The following CD82 variants were observed in gnomAD, a reference collection of about 807,000 sequenced individuals.
CD82 encodes CD82 molecule.
Under a neutral mutation model 37.4 loss-of-function variants are expected in CD82, and 36 were observed. The ratio of observed to expected loss-of-function variants is 0.96; its 90% confidence interval spans 0.74 to 1.27. CD82 has a LOEUF of 1.27. Ranked by LOEUF, CD82 falls within the 50% of genes most tolerant of loss-of-function variation. The pLI, the probability that CD82 is intolerant of heterozygous loss-of-function variation, is 0.00. For missense variants in CD82, 340 were observed against 347.0 expected (o/e 0.98, Z 0.16); for synonymous variants, 158 against 137.4 (o/e 1.15, Z -1.05).
chr11:44,609,394 T>A (rs1853447952), intron 6 of CD82, among the ~76,000 whole-genome samples: 1 of 152,054 alleles, frequency 6.6e-6, no homozygotes, highest in African/African-American at 2.4e-5. Context: ...TGGCAGGCCA[T>A]ACCTGTGCCA....
chr11:44,585,857 G>A (rs924753737), intron 1 of CD82, among the ~76,000 whole-genome samples: 9 of 152,204 alleles, frequency 5.9e-5, no homozygotes, highest in Admixed American at 6.5e-5. Flanking sequence ...TCTGAAAAAC[G>A]CAGTGATCTC....
chr11:44,565,286 T>A (rs1201075920), upstream of CD82, among the ~76,000 whole-genome samples: 6 of 151,196 alleles, frequency 4.0e-5, no homozygotes, highest in African/African-American at 1.5e-4. Context: ...GCGGGGGCGC[T>A]GGGAGGGCCC....
intron 3 of CD82, chr11:44,595,030 C>T: frequency 2.3e-6 from 1 of 429,336 alleles, no homozygotes; most frequent in South Asian, 2.4e-5. Context: ...ATCCCCCTAA[C>T]TCAACAGCAG....
upstream of CD82, chr11:44,564,627 G>A (rs1228464858): frequency 2.5e-6 from 1 of 403,370 alleles, no homozygotes; most frequent in African/African-American, 2.1e-5. Context: ...TTTTCTTCAG[G>A]GAGAAAGCCA....
Position 44,579,761 on chromosome 11 carries a change from T to A in CD82, c.-102-7714T>A, listed in dbSNP as rs1330292818. Among the ~76,000 whole-genome samples the A allele has an allele frequency of 2.0e-5, 3 of 152,118 alleles. No homozygotes were observed. The East Asian group carries it at 5.8e-4, about 29-fold the overall frequency. ...GCCCTCTGTGGGAAGCACAGCCCCT[T>A]TATTCCCAGCTTGGCAGGCCCAGAT... On this transcript the variant is annotated intron_variant, in intron 1 of 9. Coordinates refer to ENST00000227155, the MANE Select transcript of CD82 (RefSeq NM_002231.4).
intron 2 of CD82, among the ~76,000 whole-genome samples, chr11:44,590,795 C>T (rs967579995): frequency 3.9e-5 from 6 of 152,064 alleles, no homozygotes; most frequent in African/African-American, 1.4e-4. Flanking sequence ...CAGAGCCGGG[C>T]ATAACCCCTG....
chr11:44,566,427 G>A (rs1270887511), intron 1 of CD82: 1 of 152,270 alleles, frequency 6.6e-6, no homozygotes, highest in Non-Finnish European at 1.5e-5. Flanking sequence ...CTTGGGCCCA[G>A]GGTCAAGCCC....
chr11:44,619,033 C>A lies in CD82; in HGVS notation c.727-16C>A. The stretch of plus-strand genomic sequence containing the variant: ...GGACACCCAGCCTCCCTCTGACTCT[C>A]CGCCTCTCCCCACAGCTCCTGGGGA... On this transcript the variant is annotated splice_polypyrimidine_tract_variant and intron_variant, in intron 9 of 9. Coordinates refer to ENST00000227155, the MANE Select transcript of CD82 (RefSeq NM_002231.4). The A allele has an allele frequency of 6.2e-7, 1 of 1,612,708 alleles. No homozygotes were observed. Among genetic ancestry groups the A allele is most frequent in the South Asian group, 1.1e-5 (1 of 91,060 alleles).
intron 1 of CD82, among the ~76,000 whole-genome samples, chr11:44,574,187 G>T (rs1369270886): frequency 2.0e-5 from 3 of 152,114 alleles, no homozygotes; most frequent in Admixed American, 6.6e-5. Context: ...AGAGTTGAGG[G>T]CAAAGTTGAG....
At chr11:44,583,822 T>C (rs954270458) in intron 1 of CD82, among the ~76,000 whole-genome samples, 1 of 152,260 alleles carries the variant, frequency 6.6e-6, no homozygotes, top group South Asian at 2.1e-4. Context: ...AATGGCATAA[T>C]ATTCAGGGAT....
chr11:44,609,095 C>T (rs150377944), intron 6 of CD82, among the ~76,000 whole-genome samples: 5 of 152,182 alleles, frequency 3.3e-5, no homozygotes, highest in Non-Finnish European at 4.4e-5. Context: ...GATCTGGGCA[C>T]GGTGCTAAGA....
chr11:44,566,961 G>T (rs1852744675), intron 1 of CD82, among the ~76,000 whole-genome samples: 1 of 152,164 alleles, frequency 6.6e-6, no homozygotes, highest in African/African-American at 2.4e-5. Flanking sequence ...GTTGGTAAGT[G>T]TTGAGTTAAA....
upstream of CD82, among the ~76,000 whole-genome samples, chr11:44,565,331 T>C (rs7480475): frequency 0.033 from 5,045 of 151,696 alleles, 116 homozygotes; most frequent in Admixed American, 0.061. Context: ...AGGCGGGAGC[T>C]GGGCGGGACC....
chr11:44,585,009 G>A (rs1474729968), intron 1 of CD82: 5 of 345,690 alleles, frequency 1.4e-5, no homozygotes, highest in East Asian at 7.5e-5. Context: ...GAGCTCCCAC[G>A]GGATCGGATG....
chr11:44,618,793 C>T, intron 9 of CD82, 70 bp downstream of exon 9: 1 of 1,377,610 alleles, frequency 7.3e-7, no homozygotes, highest in South Asian at 1.2e-5. Context: ...TGCTGATCTC[C>T]TTGGGGAGGT....
At position 44,594,694 on chromosome 11, in the gene CD82, A is replaced by G; in HGVS notation, c.32A>G (p.Tyr11Cys). Reference protein sequence around the residue: MGSACIKVTKYFLFLFNLIFF... With the variant: MGSACIKVTKCFLFLFNLIFF... ...TCAGCCTGTATCAAAGTCACCAAATACTTTCTCTTCCTCTTCAACTTGATC... is the reference window on the plus strand; with the variant it reads ...TCAGCCTGTATCAAAGTCACCAAATGCTTTCTCTTCCTCTTCAACTTGATC... Residue 11 changes from tyrosine to cysteine, a missense_variant, in exon 3 of 10, where the codon TAC (tyrosine) becomes TGC (cysteine). By Grantham distance (194) the Tyr-to-Cys change is radical. Coordinates refer to ENST00000227155, the MANE Select transcript of CD82 (RefSeq NM_002231.4). 6.2e-7 allele frequency: 1 copy of G among 1,613,868 alleles called. No individual in the cohort carries two copies. The highest frequency in any genetic ancestry group is 1.3e-5 in the African/African-American group (1 of 74,978).
rs1360387511 is a variant in CD82, at chr11:44,605,346, T to G, written c.262-9T>G. ...CTCAGCTGACTTTGTGCCTGCTCTG[T>G]GTCCCCAGTACTTTGCTTTCCTGCT... On this transcript the variant is annotated splice_polypyrimidine_tract_variant and intron_variant, in intron 5 of 9. Transcript: ENST00000227155. 1 of 1,614,086 alleles carries G rather than the reference T, an allele frequency of 6.2e-7. No homozygotes were observed. The highest frequency in any genetic ancestry group is 8.5e-7 in the Non-Finnish European group (1 of 1,179,998).
Position 44,607,306 on chromosome 11 carries a change from G to GTT in CD82, c.336+1878_336+1879insTT, listed in dbSNP as rs576894463. ...GAGCTTCCTGGCAGTCAAGGCAAAAGTGGAAAATAGTGGATTTTGTAGATG... is the reference window on the plus strand; with the variant it reads ...GAGCTTCCTGGCAGTCAAGGCAAAAGTTTGGAAAATAGTGGATTTTGTAGATG... On this transcript the variant is annotated intron_variant, in intron 6 of 9. Coordinates refer to ENST00000227155, the MANE Select transcript of CD82 (RefSeq NM_002231.4). Among the ~76,000 whole-genome samples, 129 of 152,388 alleles carry GTT rather than the reference G, an allele frequency of 8.5e-4. 1 individual carries two copies. Among genetic ancestry groups the GTT allele is most frequent in the Non-Finnish European group, 1.6e-3 (109 of 68,038 alleles).
intron 1 of CD82, among the ~76,000 whole-genome samples, chr11:44,586,201 G>A (rs1259121559): frequency 6.6e-6 from 1 of 152,184 alleles, no homozygotes; most frequent in Non-Finnish European, 1.5e-5. Flanking sequence ...GGCAGTGGGG[G>A]CCGGGCATCA....
Sources: allele counts gnomAD v4.1 joint callset (sites outside exome capture counted in the v4.1 genomes callset), GRCh38; gene constraint gnomAD v4.1.1; transcripts MANE v1.5; gene names NCBI Gene and HGNC (gene_info 2026-07-23, HGNC 2026-07-21).